Variants in DDX60L observed in about 807,000 individuals in gnomAD.
The protein encoded by DDX60L is probable ATP-dependent RNA helicase DDX60-like.
DDX60L carries 191 observed loss-of-function variants against 211.6 expected under a neutral mutation model. The observed-to-expected ratio is 0.90, with a 90% CI of 0.80 to 1.02. DDX60L has a LOEUF of 1.02. DDX60L is among the 50% of genes least tolerant of loss of function. DDX60L has a pLI of 0.00. For missense variants in DDX60L, 2,007 were observed against 1,984.1 expected (o/e 1.01, Z -0.22); for synonymous variants, 706 against 694.1 (o/e 1.02, Z -0.27).
intron 14 of DDX60L, 50 bp downstream of exon 14, chr4:168,427,020 A>G (rs1486252506): frequency 6.6e-7 from 1 of 1,517,102 alleles, no homozygotes; most frequent in South Asian, 1.3e-5. Flanking sequence ...TGTTAACATC[A>G]TTAATATTTT....
intron 19 of DDX60L, among the ~76,000 whole-genome samples, chr4:168,417,178 A>C (rs1040054812): frequency 9.2e-5 from 14 of 152,290 alleles, no homozygotes; most frequent in Middle Eastern, 6.8e-3. Flanking sequence ...ACAAAAATCA[A>C]ATTAGGCTAC....
At chr4:168,409,679 T>A (rs1158729221) in intron 22 of DDX60L, among the ~76,000 whole-genome samples, 1 of 152,220 alleles carries the variant, frequency 6.6e-6, no homozygotes, top group African/African-American at 2.4e-5. Context: ...GAGTTTTACA[T>A]GCCCTTAATC....
intron 4 of DDX60L, among the ~76,000 whole-genome samples, chr4:168,464,917 G>T (rs1757784756): frequency 6.6e-6 from 1 of 151,972 alleles, no homozygotes; most frequent in East Asian, 1.9e-4. Flanking sequence ...CACTTAGTTT[G>T]TTTCCATATG....
intron 24 of DDX60L, among the ~76,000 whole-genome samples, chr4:168,405,012 ATTT>A (rs138575847): frequency 6.9e-6 from 1 of 145,572 alleles, no homozygotes. Flanking sequence ...CATCAGTATC[ATTT>A]TTTTTTTTTT....
chr4:168,406,830 C>A, intron 22 of DDX60L, 124 bp from the exon 23 acceptor site: 1 of 679,682 alleles, frequency 1.5e-6, no homozygotes, highest in South Asian at 1.9e-5. Flanking sequence ...CATTAAAAGG[C>A]AATCAACTGT....
chr4:168,462,197 T>C (rs1041124073), intron 4 of DDX60L, among the ~76,000 whole-genome samples, 157 bp from the exon 5 acceptor site: 9 of 152,230 alleles, frequency 5.9e-5, no homozygotes, highest in African/African-American at 9.6e-5. Flanking sequence ...CACAAGTGCA[T>C]GCCACAGGTC....
chr4:168,460,847 C>A (rs1038772901), intron 5 of DDX60L, among the ~76,000 whole-genome samples: 3 of 152,174 alleles, frequency 2.0e-5, no homozygotes, highest in Non-Finnish European at 4.4e-5. Flanking sequence ...GGGGTTCCCT[C>A]CTCACGTTTG....
rs570700102 is a variant in DDX60L, at chr4:168,401,288, T to C, written c.3339-310A>G. Reference sequence around the variant, plus strand: ...TGGTAAAACTCTGGTCTCCACAACCTCTTATCATAACCCAGACATCCCTTT... The same window carrying C: ...TGGTAAAACTCTGGTCTCCACAACCCCTTATCATAACCCAGACATCCCTTT... On this transcript the variant is annotated intron_variant, in intron 25 of 37. Coordinates refer to ENST00000682922, the MANE Select transcript of DDX60L (RefSeq NM_001012967.3). Among the ~76,000 whole-genome samples the C allele has an allele frequency of 2.0e-5, 3 of 152,332 alleles. No homozygotes were observed. In the South Asian group the frequency reaches 6.2e-4, roughly 32 times the overall value.
chr4:168,423,641 A>C lies in DDX60L; in HGVS notation c.2064T>G (p.Phe688Leu). 6.3e-7 allele frequency: 1 copy of C among 1,590,194 alleles called. No individual in the cohort carries two copies. Residue 688 changes from phenylalanine (F) to leucine (L), a missense_variant, in exon 15 of 38, where the codon TTT becomes TTG. By Grantham distance (22) the Phe-to-Leu change is conservative. Transcript: ENST00000682922. ...GATCCAAAGAGTTTGCCAGATCATT[A>C]AAGCCTAAATATTTAAGGCATTTAG... ...YIAKCLKYLG[F>L]NDLANSLDPT...
chr4:168,429,399 C>G (rs898756828), intron 13 of DDX60L, among the ~76,000 whole-genome samples: 6 of 152,208 alleles, frequency 3.9e-5, no homozygotes, highest in African/African-American at 1.4e-4. Context: ...ATCCGCCCAC[C>G]TTGGCCTCCC....
intron 29 of DDX60L, among the ~76,000 whole-genome samples, chr4:168,385,945 AAAGAG>A (rs1743788399): frequency 6.6e-6 from 1 of 151,998 alleles, no homozygotes; most frequent in Admixed American, 6.6e-5. Context: ...ACACACACAC[AAAGAG>A]AAGGAGAGAG....
intron 5 of DDX60L, among the ~76,000 whole-genome samples, chr4:168,460,055 G>A (rs1757118139): frequency 6.6e-6 from 1 of 152,004 alleles, no homozygotes; most frequent in Non-Finnish European, 1.5e-5. Context: ...AAAAACAAAG[G>A]CGGAGTTCCA....
At chr4:168,462,113 CAGCA>C (rs1757395692) in intron 4 of DDX60L, 73 bp from the exon 5 acceptor site, 1 of 1,133,008 alleles carries the variant, frequency 8.8e-7, no homozygotes, top group Non-Finnish European at 1.2e-6. Context: ...TTGTTGCTTA[CAGCA>C]CAAAGCTATA....
chr4:168,370,255 T>A (rs1740773714), intron 36 of DDX60L, among the ~76,000 whole-genome samples: 1 of 152,156 alleles, frequency 6.6e-6, no homozygotes, highest in Non-Finnish European at 1.5e-5. Context: ...AGGAATGAAA[T>A]CCTGTCATTT....
At chr4:168,462,851 G>C (rs1243064859) in intron 4 of DDX60L, among the ~76,000 whole-genome samples, 3 of 151,936 alleles carry the variant, frequency 2.0e-5, no homozygotes, top group Non-Finnish European at 4.4e-5. Context: ...CATGCAGCCA[G>C]TAAGCATATA....
At chr4:168,404,241 C>G in intron 24 of DDX60L, 135 bp from the exon 25 acceptor site, 1 of 520,490 alleles carries the variant, frequency 1.9e-6, no homozygotes, top group Non-Finnish European at 3.1e-6. Flanking sequence ...TAAAATAGTC[C>G]TTTAATATTA....
chr4:168,419,156 G>A (rs772459858), intron 19 of DDX60L, 146 bp downstream of exon 19: 35 of 491,888 alleles, frequency 7.1e-5, no homozygotes, highest in East Asian at 2.2e-4. Context: ...TTGTACTAAC[G>A]TGAATATGCA....
intron 37 of DDX60L, among the ~76,000 whole-genome samples, chr4:168,360,396 G>C (rs1393608887): frequency 6.6e-6 from 1 of 152,232 alleles, no homozygotes; most frequent in Non-Finnish European, 1.5e-5. Context: ...AGTGGGCAAA[G>C]GAGGGTCATC....
chr4:168,465,154 A>AT (rs34617112), intron 4 of DDX60L, among the ~76,000 whole-genome samples: 43,043 of 150,002 alleles, frequency 0.29, 7,669 homozygotes, highest in East Asian at 0.61. Context: ...CCTTACTAGC[A>AT]TTTTTTTTTT....
Sources: allele counts gnomAD v4.1 joint callset (sites outside exome capture counted in the v4.1 genomes callset), GRCh38; gene constraint gnomAD v4.1.1; transcripts MANE v1.5; gene names NCBI Gene and HGNC (gene_info 2026-07-23, HGNC 2026-07-21).